The following VEGFC variants were observed in gnomAD, a reference collection of about 807,000 sequenced individuals.
The protein encoded by VEGFC is vascular endothelial growth factor C.
In VEGFC, 12 loss-of-function variants were observed where a neutral mutation model predicts 46.1. The observed-to-expected ratio is 0.26, with a 90% CI of 0.17 to 0.42. The LOEUF (loss-of-function observed/expected upper bound fraction) is 0.42, where lower values mean the gene tolerates loss of function less well. Ranked by LOEUF, VEGFC falls within the 10% of genes least tolerant of loss-of-function variation. VEGFC has a pLI of 1.00. For missense variants in VEGFC, 488 were observed against 529.4 expected, an observed-to-expected ratio of 0.92 and a Z score of 0.77; for synonymous variants, 232 against 195.5, an observed-to-expected ratio of 1.19 and a Z score of -1.56.
chr4:176,697,667 T>TA (rs1734344283), intron 4 of VEGFC, among the ~76,000 whole-genome samples: 1 of 151,896 alleles, frequency 6.6e-6, no homozygotes, highest in Non-Finnish European at 1.5e-5. Flanking sequence ...ATCATGCTGC[T>TA]ATAAAGACAC....
chr4:176,764,871 AT>A (rs1267623826), intron 1 of VEGFC, among the ~76,000 whole-genome samples: 1 of 152,190 alleles, frequency 6.6e-6, no homozygotes, highest in African/African-American at 2.4e-5. Flanking sequence ...AATAAGAAAA[AT>A]ATCCACAAAT....
chr4:176,763,892 C>CA (rs1196768908), intron 1 of VEGFC, among the ~76,000 whole-genome samples: 1 of 151,816 alleles, frequency 6.6e-6, no homozygotes, highest in Non-Finnish European at 1.5e-5. Flanking sequence ...ACTAAGTTTT[C>CA]AATGGAACGG....
At chr4:176,752,631 T>C (rs1735360132) in intron 1 of VEGFC, among the ~76,000 whole-genome samples, 1 of 152,120 alleles carries the variant, frequency 6.6e-6, no homozygotes, top group Admixed American at 6.6e-5. Flanking sequence ...ATTTCCCATG[T>C]AAGATGTAAA....
chr4:176,762,259 T>TG (rs1018175394), intron 1 of VEGFC, among the ~76,000 whole-genome samples: 1 of 151,938 alleles, frequency 6.6e-6, no homozygotes, highest in African/African-American at 2.4e-5. Context: ...TGGGGGGAGG[T>TG]GGGGCCTTTA....
rs142231347 is a variant in VEGFC, at chr4:176,729,582, T to C, written c.312A>G (p.Glu104=). 1.2e-6 allele frequency: 2 copies of C among 1,613,698 alleles called. No individual in the cohort carries two copies. Among genetic ancestry groups the C allele is most frequent in the Non-Finnish European group, 1.7e-6 (2 of 1,179,908 alleles). Reference sequence around the variant, plus strand: ...GTGCTGCAGCAAATTTTATAGTCTCTTCTGTCCTTGAGTTGAGGTTGGCCT... The same window carrying C: ...GTGCTGCAGCAAATTTTATAGTCTCCTCTGTCCTTGAGTTGAGGTTGGCCT... The part of the protein sequence containing the change: ...REQANLNSRT[E]ETIKFAAAHY... Residue 104 remains glutamate (E), a synonymous_variant, in exon 2 of 7, where the codon GAA becomes GAG. Transcript: ENST00000618562.
intron 1 of VEGFC, among the ~76,000 whole-genome samples, chr4:176,734,997 T>C (rs1350488555): frequency 6.6e-6 from 1 of 151,798 alleles, no homozygotes. Context: ...GTTTCTGATT[T>C]TGCCAAAAAT....
At chr4:176,686,863 A>T (rs1349160246) in intron 6 of VEGFC, among the ~76,000 whole-genome samples, 1 of 152,148 alleles carries the variant, frequency 6.6e-6, no homozygotes, top group Non-Finnish European at 1.5e-5. Flanking sequence ...GTCCTAAATT[A>T]TGTCTGAAGG....
intron 1 of VEGFC, among the ~76,000 whole-genome samples, chr4:176,738,376 A>T (rs1735091262): frequency 3.3e-5 from 5 of 152,032 alleles, no homozygotes. Flanking sequence ...GGAACAGAAC[A>T]GAGAACCCAG....
chr4:176,737,108 G>A (rs1243951931), intron 1 of VEGFC, among the ~76,000 whole-genome samples: 2 of 150,334 alleles, frequency 1.3e-5, no homozygotes, highest in Non-Finnish European at 3.0e-5. Flanking sequence ...CCACTTTATT[G>A]TATTAACTAA....
At chr4:176,686,200 A>G (rs564731866) in intron 6 of VEGFC, among the ~76,000 whole-genome samples, 5 of 152,224 alleles carry the variant, frequency 3.3e-5, no homozygotes, top group Admixed American at 1.3e-4. Context: ...AGGACAGGTT[A>G]CCTAAGGACA....
At chr4:176,713,452 A>T (rs1734650356) in intron 3 of VEGFC, among the ~76,000 whole-genome samples, 1 of 152,120 alleles carries the variant, frequency 6.6e-6, no homozygotes, top group Non-Finnish European at 1.5e-5. Flanking sequence ...AGTGGTTTTA[A>T]AAAGCAATTT....
chr4:176,692,409 A>AC (rs1267518061), intron 4 of VEGFC, among the ~76,000 whole-genome samples: 1 of 130,930 alleles, frequency 7.6e-6, no homozygotes, highest in African/African-American at 4.0e-5. Flanking sequence ...CAAACAAACA[A>AC]ACAAACAAAA....
intron 1 of VEGFC, among the ~76,000 whole-genome samples, chr4:176,778,829 C>T (rs1451579120): frequency 6.6e-6 from 1 of 152,104 alleles, no homozygotes; most frequent in Non-Finnish European, 1.5e-5. Flanking sequence ...AAGAATATTT[C>T]TTTCTGTCCT....
At chr4:176,768,513 T>TATATATATATATA (rs58971102) in intron 1 of VEGFC, among the ~76,000 whole-genome samples, 31 of 143,732 alleles carry the variant, frequency 2.2e-4, no homozygotes, top group Admixed American at 2.8e-4. Context: ...TATATATATA[T>TATATATATATATA]TTCAAATTTT....
intron 1 of VEGFC, among the ~76,000 whole-genome samples, chr4:176,757,099 C>G (rs781190148): frequency 1.3e-5 from 2 of 151,942 alleles, no homozygotes; most frequent in African/African-American, 4.8e-5. Flanking sequence ...TAAATGTAGA[C>G]GGTAAAATGA....
intron 1 of VEGFC, among the ~76,000 whole-genome samples, chr4:176,782,170 A>G (rs903001004): frequency 1.3e-5 from 2 of 152,262 alleles, no homozygotes; most frequent in Non-Finnish European, 2.9e-5. Flanking sequence ...AGCACTTGTA[A>G]GAGAAAAAGA....
At chr4:176,757,411 T>C (rs1735451065) in intron 1 of VEGFC, among the ~76,000 whole-genome samples, 1 of 152,104 alleles carries the variant, frequency 6.6e-6, no homozygotes, top group Non-Finnish European at 1.5e-5. Context: ...CCTCTTCTAA[T>C]CTAAGTCATG....
chr4:176,731,866 C>T (rs900817393), intron 1 of VEGFC, among the ~76,000 whole-genome samples: 9 of 151,250 alleles, frequency 6.0e-5, no homozygotes, highest in Non-Finnish European at 1.0e-4. Flanking sequence ...CGTAAAACTT[C>T]GAAATGAGAA....
intron 1 of VEGFC, among the ~76,000 whole-genome samples, chr4:176,768,358 T>C (rs1735664801): frequency 6.6e-6 from 1 of 151,540 alleles, no homozygotes; most frequent in Non-Finnish European, 1.5e-5. Context: ...ACATTAAAAG[T>C]TCAAGGAGAG....
Sources: gnomAD v4.1 joint callset for allele counts (sites outside exome capture counted in the v4.1 genomes callset) on GRCh38, gnomAD v4.1.1 for gene constraint, MANE v1.5 for transcripts, NCBI Gene and HGNC (gene_info 2026-07-23, HGNC 2026-07-21) for gene names.